The following ZNF423 variants were observed in gnomAD, a reference collection of about 807,000 sequenced individuals.
ZNF423 encodes zinc finger protein 423, also known as Ebf-associated zinc finger protein.
In ZNF423, 12 loss-of-function variants were observed where a neutral mutation model predicts 95.8. The ratio of observed to expected loss-of-function variants is 0.13; its 90% CI spans 0.08 to 0.20. The LOEUF is 0.20. Ranked by LOEUF, ZNF423 falls within the 10% of genes least tolerant of loss-of-function variation. The pLI, the probability that ZNF423 is intolerant of heterozygous loss-of-function variation, is 1.00. For synonymous variants in ZNF423, 749 were observed against 711.9 expected (o/e 1.05, Z -0.83); for missense variants, 1,316 against 1,737.1 (o/e 0.76, Z 4.31).
intron 2 of ZNF423, among the ~76,000 whole-genome samples, chr16:49,734,319 C>A (rs889137060): frequency 6.6e-6 from 1 of 152,208 alleles, no homozygotes; most frequent in East Asian, 1.9e-4. Context: ...ATCACCTGTG[C>A]AAACTCAGAG....
chr16:49,845,566 G>T (rs977535656), intron 1 of ZNF423, among the ~76,000 whole-genome samples: 9 of 149,562 alleles, frequency 6.0e-5, no homozygotes, highest in African/African-American at 2.2e-4. Flanking sequence ...TTTGAGAAAG[G>T]GTCTCACTCT....
intron 3 of ZNF423, among the ~76,000 whole-genome samples, chr16:49,669,329 C>CAAAA (rs1036075505): frequency 2.0e-4 from 22 of 109,068 alleles, no homozygotes; most frequent in African/African-American, 6.5e-4. Context: ...AACTCCGTCT[C>CAAAA]AAAAAAAAAA....
At chr16:49,764,302 A>C (rs1163286838) in intron 2 of ZNF423, among the ~76,000 whole-genome samples, 2 of 152,196 alleles carry the variant, frequency 1.3e-5, no homozygotes, top group Non-Finnish European at 2.9e-5. Context: ...ATTCCTGAAC[A>C]AATTAAAGCA....
intron 1 of ZNF423, among the ~76,000 whole-genome samples, chr16:49,811,376 G>A (rs894094666): frequency 6.6e-6 from 1 of 152,044 alleles, no homozygotes; most frequent in Admixed American, 6.5e-5. Flanking sequence ...GAAATAGGTA[G>A]GTACCAGAAA....
Position 49,558,717 on chromosome 16 carries a change from G to A in ZNF423, c.3602-33223C>T, listed in dbSNP as rs559035890. 1.1e-3 allele frequency among the ~76,000 whole-genome samples: 169 copies of A among 152,258 alleles called. 2 individuals carry two copies. Among genetic ancestry groups the A allele is most frequent in the African/African-American group, 4.0e-3 (166 of 41,550 alleles). On this transcript the variant is annotated intron_variant, in intron 5 of 7. Transcript: ENST00000563137. ...TCCACATCTTCCATGAAATCAGCAG[G>A]AATTGCACATTTTGAGGACCCAATT... is the stretch of plus-strand genomic sequence containing the variant.
intron 3 of ZNF423, among the ~76,000 whole-genome samples, chr16:49,692,508 A>G (rs1451401273): frequency 6.6e-6 from 1 of 152,158 alleles, no homozygotes; most frequent in Non-Finnish European, 1.5e-5. Context: ...AAGAACCAGC[A>G]CCTTAACCCA....
At chr16:49,685,738 G>A (rs2031539666) in intron 3 of ZNF423, among the ~76,000 whole-genome samples, 1 of 152,026 alleles carries the variant, frequency 6.6e-6, no homozygotes, top group Non-Finnish European at 1.5e-5. Context: ...ACCTGCCCAC[G>A]CCCGTCCTTG....
chr16:49,680,196 T>G (rs1424370602), intron 3 of ZNF423, among the ~76,000 whole-genome samples: 3 of 152,216 alleles, frequency 2.0e-5, no homozygotes, highest in Non-Finnish European at 4.4e-5. Flanking sequence ...TGGACCTGCC[T>G]GCAGAAAGGA....
intron 1 of ZNF423, among the ~76,000 whole-genome samples, chr16:49,842,977 CAAAAAAA>C (rs71380379): frequency 3.1e-5 from 3 of 97,356 alleles, no homozygotes; most frequent in African/African-American, 7.9e-5. Context: ...GACTCCGTCT[CAAAAAAA>C]AAAAAAAAAG....
intron 3 of ZNF423, among the ~76,000 whole-genome samples, chr16:49,648,400 G>C (rs1218667038): frequency 6.6e-6 from 1 of 151,800 alleles, no homozygotes; most frequent in African/African-American, 2.4e-5. Flanking sequence ...CCAGCACTTT[G>C]GGAGGCTGAG....
intron 2 of ZNF423, among the ~76,000 whole-genome samples, chr16:49,778,779 G>A (rs577861172): frequency 3.3e-5 from 5 of 152,282 alleles, no homozygotes; most frequent in Non-Finnish European, 5.9e-5. Context: ...CCATACAGAC[G>A]CAAAGCTCAG....
rs113581283 is a variant in ZNF423, at chr16:49,604,622, T to C, written c.3601+21548A>G. Among the ~76,000 whole-genome samples, 615 of 152,262 alleles carry C rather than the reference T, an allele frequency of 4.0e-3. 1 individual carries two copies. Among genetic ancestry groups the C allele is most frequent in the Non-Finnish European group, 6.6e-3 (451 of 68,022 alleles). On this transcript the variant is annotated intron_variant, in intron 5 of 7. Transcript: ENST00000563137. Reference sequence around the variant, plus strand: ...TCCTGGGTTTGTGCAAGAGCTCAGCTTTTTTGAGGGATGCACAATCACGGT... The same window carrying C: ...TCCTGGGTTTGTGCAAGAGCTCAGCCTTTTTGAGGGATGCACAATCACGGT...
rs1394982462 is a variant in ZNF423 at position 49,855,830 on chromosome 16, C to G, written c.-56G>C. On this transcript the variant is annotated 5_prime_UTR_variant, in exon 1 of 8. Coordinates refer to ENST00000563137, the MANE Select transcript of ZNF423 (RefSeq NM_001379286.1). The surrounding 1 kb of genome is among the most constrained non-coding windows in gnomAD (Gnocchi z 4.7). ...CGCAGCCGGCTCCCCCCGCCGCCCC[C>G]CGCCGCTCCGGGCAGCCCTTCTCCC... 1 of 152,604 alleles carries G rather than the reference C, an allele frequency of 6.6e-6. No homozygotes were observed. 9.5% of individuals were successfully genotyped at this position (152,604 alleles called of 1,614,324 possible). A position where few individuals can be genotyped will look rare whatever the true frequency, so the allele number is the denominator to read the frequency against.
intron 4 of ZNF423, among the ~76,000 whole-genome samples, chr16:49,626,930 C>A (rs893821718): frequency 7.7e-6 from 1 of 129,052 alleles, no homozygotes; most frequent in African/African-American, 3.3e-5. Flanking sequence ...TACATACACA[C>A]CCACCAATAG....
intron 2 of ZNF423, among the ~76,000 whole-genome samples, chr16:49,787,445 C>A (rs772369988): frequency 1.3e-5 from 2 of 152,104 alleles, no homozygotes; most frequent in Non-Finnish European, 2.9e-5. Flanking sequence ...GGCACCGTGG[C>A]GAGCCACGGC....
intron 5 of ZNF423, among the ~76,000 whole-genome samples, 154 bp downstream of exon 5, chr16:49,626,016 C>A (rs576617299): frequency 2.0e-5 from 3 of 152,324 alleles, no homozygotes; most frequent in South Asian, 4.1e-4. Context: ...AAAGGGCCCC[C>A]ATTCTGACAT....
At chr16:49,536,942 G>T (rs1415963891) in intron 5 of ZNF423, among the ~76,000 whole-genome samples, 1 of 152,178 alleles carries the variant, frequency 6.6e-6, no homozygotes, top group East Asian at 1.9e-4. Context: ...ACAGCGTTGG[G>T]CACATAACAA....
At chr16:49,510,378 T>C (rs1230892855) in intron 7 of ZNF423, among the ~76,000 whole-genome samples, 1 of 152,166 alleles carries the variant, frequency 6.6e-6, no homozygotes, top group East Asian at 1.9e-4. Context: ...ACGTTGACTG[T>C]GCTCCTTGTC....
chr16:49,750,051 A>G (rs934634132), intron 2 of ZNF423, among the ~76,000 whole-genome samples: 35 of 152,206 alleles, frequency 2.3e-4, no homozygotes, highest in Admixed American at 9.8e-4. Flanking sequence ...CCGTCAGCCC[A>G]TACCTTGCCG....
Sources: gnomAD v4.1 joint callset for allele counts (sites outside exome capture counted in the v4.1 genomes callset) on GRCh38, gnomAD v4.1.1 for gene constraint, Gnocchi (gnomAD v3.1) non-coding constraint, MANE v1.5 for transcripts, NCBI Gene and HGNC (gene_info 2026-07-23, HGNC 2026-07-21) for gene names.